The following DISC1 variants were observed in gnomAD, a reference collection of about 807,000 sequenced individuals.
DISC1 encodes the protein disrupted in schizophrenia 1 protein.
A neutral mutation model predicts 84.5 loss-of-function variants in DISC1; 57 were observed. The observed-to-expected ratio is 0.67, with a 90% CI of 0.55 to 0.84. DISC1 has a LOEUF of 0.84. Among genes scored for constraint, DISC1 ranks in the 40% least tolerant of loss-of-function variants. DISC1 has a pLI of 0.00. For missense variants in DISC1, 1,000 were observed against 1,057.8 expected (o/e 0.95, Z 0.76); for synonymous variants, 411 against 415.2 (o/e 0.99, Z 0.12).
At chr1:231,862,526 T>G (rs192602737) in intron 9 of DISC1, among the ~76,000 whole-genome samples, 1 of 152,358 alleles carries the variant, frequency 6.6e-6, no homozygotes, top group Admixed American at 6.5e-5. Flanking sequence ...TGTCTTAAAA[T>G]GAAGTATCTG....
At position 231,982,315 on chromosome 1, in the gene DISC1, TCCTC is replaced by T. The variant is rs1663727919; in HGVS notation, c.2042+23440_2042+23443del. 5.3e-5 allele frequency among the ~76,000 whole-genome samples: 8 copies of T among 152,086 alleles called. No individual in the cohort carries two copies. In the South Asian group the frequency reaches 1.5e-3, roughly 28 times the overall value. ...ATGGGAGGGGGATGATATAGTGAAT[TCCTC>T]CCTCCCTCCCTCTCTGCCTTCCTCC... On this transcript the variant is annotated intron_variant, in intron 10 of 12. Transcript: ENST00000439617.
intron 10 of DISC1, among the ~76,000 whole-genome samples, chr1:231,984,832 A>T (rs1467218434): frequency 6.6e-6 from 1 of 152,182 alleles, no homozygotes; most frequent in Non-Finnish European, 1.5e-5. Flanking sequence ...GGAGATGTAG[A>T]TTAGGGGCCG....
intron 6 of DISC1, among the ~76,000 whole-genome samples, chr1:231,792,615 A>C (rs2078434459): frequency 6.6e-6 from 1 of 152,210 alleles, no homozygotes. Flanking sequence ...ATTTCTGCCC[A>C]AGGAAGGTTT....
chr1:231,633,887 T>G (rs2058959085), intron 1 of DISC1, among the ~76,000 whole-genome samples: 1 of 150,534 alleles, frequency 6.6e-6, no homozygotes, highest in African/African-American at 2.4e-5. Flanking sequence ...CTGTCATCTT[T>G]TTTTTTTTTT....
intron 1 of DISC1, among the ~76,000 whole-genome samples, chr1:231,688,539 C>T (rs1489445719): frequency 2.0e-5 from 3 of 152,158 alleles, no homozygotes; most frequent in Non-Finnish European, 2.9e-5. Context: ...CCCTTTAATC[C>T]GATGAGGTGG....
chr1:231,651,920 G>A (rs1558249469), intron 1 of DISC1, among the ~76,000 whole-genome samples: 1 of 152,232 alleles, frequency 6.6e-6, no homozygotes, highest in Non-Finnish European at 1.5e-5. Flanking sequence ...ATCTCTTGGT[G>A]TGCTGTTTGC....
chr1:231,975,267 A>G (rs1467409270), intron 10 of DISC1, among the ~76,000 whole-genome samples: 1 of 152,222 alleles, frequency 6.6e-6, no homozygotes, highest in Non-Finnish European at 1.5e-5. Context: ...GCACAATGAG[A>G]TATCATTGTA....
intron 6 of DISC1, among the ~76,000 whole-genome samples, chr1:231,780,085 T>G (rs2077286265): frequency 6.6e-6 from 1 of 151,224 alleles, no homozygotes; most frequent in Non-Finnish European, 1.5e-5. Flanking sequence ...TGGGGACTGT[T>G]GTGGGCTGGG....
chr1:231,742,689 C>T (rs1275573197), intron 3 of DISC1, among the ~76,000 whole-genome samples: 1 of 152,138 alleles, frequency 6.6e-6, no homozygotes, highest in Non-Finnish European at 1.5e-5. Context: ...GGGAGTATTG[C>T]TTGAGCCCAG....
chr1:231,735,961 T>A (rs1000927607), intron 3 of DISC1, among the ~76,000 whole-genome samples: 1 of 152,136 alleles, frequency 6.6e-6, no homozygotes, highest in African/African-American at 2.4e-5. Context: ...TACAGGCGTG[T>A]GTCACTGCAC....
intron 9 of DISC1, among the ~76,000 whole-genome samples, chr1:231,888,388 GA>G (rs2086929589): frequency 6.6e-6 from 1 of 152,086 alleles, no homozygotes. Context: ...AGGGGAGGGA[GA>G]CGAGAGGTGC....
At chr1:231,727,593 T>C (rs1243582707) in intron 3 of DISC1, among the ~76,000 whole-genome samples, 1 of 152,192 alleles carries the variant, frequency 6.6e-6, no homozygotes, top group Non-Finnish European at 1.5e-5. Context: ...TGAGTAGAAT[T>C]AAATCTGAAT....
At chr1:231,747,477 T>G (rs1423330505) in intron 3 of DISC1, among the ~76,000 whole-genome samples, 1 of 152,242 alleles carries the variant, frequency 6.6e-6, no homozygotes, top group African/African-American at 2.4e-5. Flanking sequence ...TGCATATGGA[T>G]ATACAGTTTT....
At chr1:231,850,890 C>G (rs1321897967) in intron 9 of DISC1, among the ~76,000 whole-genome samples, 1 of 152,182 alleles carries the variant, frequency 6.6e-6, no homozygotes, top group East Asian at 1.9e-4. Context: ...GAAGTGGGAA[C>G]ACAAATGGCT....
At chr1:231,891,754 A>T (rs2087239434) in intron 9 of DISC1, among the ~76,000 whole-genome samples, 2 of 152,082 alleles carry the variant, frequency 1.3e-5, no homozygotes, top group Non-Finnish European at 2.9e-5. Flanking sequence ...GGTCAAGATA[A>T]CATAATTTAA....
At chr1:231,969,790 C>T (rs1318670235) in intron 10 of DISC1, among the ~76,000 whole-genome samples, 1 of 151,844 alleles carries the variant, frequency 6.6e-6, no homozygotes, top group Non-Finnish European at 1.5e-5. Context: ...TGATGTTCCC[C>T]TTCCTGTGTC....
At chr1:231,943,174 T>C (rs2091444781) in intron 9 of DISC1, among the ~76,000 whole-genome samples, 1 of 152,252 alleles carries the variant, frequency 6.6e-6, no homozygotes, top group Non-Finnish European at 1.5e-5. Flanking sequence ...CCTACCTTGA[T>C]GCTTTAAAAT....
chr1:231,795,136 C>T (rs965684565), intron 6 of DISC1, 106 bp from the exon 7 acceptor site: 9 of 1,063,184 alleles, frequency 8.5e-6, no homozygotes, highest in Admixed American at 1.8e-5. Context: ...TGCACTTCTT[C>T]GTCCATCAGA....
At chr1:231,798,449 G>A (rs1161724461) in intron 7 of DISC1, among the ~76,000 whole-genome samples, 2 of 152,232 alleles carry the variant, frequency 1.3e-5, no homozygotes, top group East Asian at 3.9e-4. Context: ...ACTCAATTAT[G>A]ATTAACAGAT....
Sources: allele counts gnomAD v4.1 joint callset (sites outside exome capture counted in the v4.1 genomes callset), GRCh38; gene constraint gnomAD v4.1.1; transcripts MANE v1.5; gene names NCBI Gene and HGNC (gene_info 2026-07-23, HGNC 2026-07-21).